DMD: variants seen among roughly 807,000 people sequenced by gnomAD.
DMD encodes dystrophin.
A neutral mutation model predicts 330.1 loss-of-function variants in DMD; 63 were observed. The ratio of observed to expected loss-of-function variants is 0.19; its 90% CI spans 0.16 to 0.24. The LOEUF (loss-of-function observed/expected upper bound fraction) is 0.24. DMD is among the 10% of genes least tolerant of loss of function. The pLI is 1.00. For synonymous variants in DMD, 1,223 were observed against 959.8 expected (o/e 1.27, Z -5.07); for missense variants, 3,344 against 2,684.1 (o/e 1.25, Z -5.43).
Position 32,338,070 on chromosome X carries a change from A to T in DMD, c.5922+4030T>A, listed in dbSNP as rs188513142. ...AATATTTTGCCTTAATTCTTGAATCATGTTTTACCTGGTATTTGAAAATGT... is the reference window on the plus strand; with the variant it reads ...AATATTTTGCCTTAATTCTTGAATCTTGTTTTACCTGGTATTTGAAAATGT... On this transcript the variant is annotated intron_variant, in intron 41 of 78. Coordinates refer to ENST00000357033, the MANE Select transcript of DMD (RefSeq NM_004006.3). Among the ~76,000 whole-genome samples the T allele has an allele frequency of 2.1e-3, 230 of 111,569 alleles. 1 individual carries two copies. The highest frequency in any genetic ancestry group is 0.01 in the South Asian group (27 of 2,700).
chrX:32,944,607 A>T (rs1384289922), intron 2 of DMD, among the ~76,000 whole-genome samples: 3 of 96,567 alleles, frequency 3.1e-5, no homozygotes, highest in African/African-American at 1.1e-4. Flanking sequence ...CTTTTAGTAG[A>T]TTTTTTTTTT....
At chrX:32,857,872 TAA>T (rs1467327852) in intron 2 of DMD, among the ~76,000 whole-genome samples, 25 of 111,436 alleles carry the variant, frequency 2.2e-4, no homozygotes, top group Non-Finnish European at 3.2e-4. Context: ...GGGCCAAACT[TAA>T]ATACATAGAC....
intron 1 of DMD, among the ~76,000 whole-genome samples, chrX:33,169,027 C>A (rs2049202290): frequency 9.3e-6 from 1 of 107,624 alleles, no homozygotes; most frequent in Non-Finnish European, 1.9e-5. Context: ...GATTCTCTTG[C>A]ATGCACAAAG....
At chrX:32,217,136 A>G in intron 43 of DMD, 73 bp from the exon 44 acceptor site, 1 of 1,063,868 alleles carries the variant, frequency 9.4e-7, no homozygotes. Context: ...TATAGCGTAT[A>G]TTTTTTGGTT....
intron 51 of DMD, among the ~76,000 whole-genome samples, chrX:31,737,072 G>T (rs908629620): frequency 4.5e-5 from 5 of 111,714 alleles, no homozygotes; most frequent in African/African-American, 1.3e-4. Flanking sequence ...TGTGAGGTGG[G>T]TACTAATATT....
At chrX:31,715,557 A>AG (rs2084984746) in intron 52 of DMD, among the ~76,000 whole-genome samples, 1 of 108,977 alleles carries the variant, frequency 9.2e-6, no homozygotes, top group East Asian at 2.9e-4. Context: ...AAAAAAAAAA[A>AG]AAAAAATTAA....
chrX:32,716,591 A>T (rs1421649061), intron 7 of DMD, among the ~76,000 whole-genome samples: 1 of 111,390 alleles, frequency 9.0e-6, no homozygotes. Flanking sequence ...ACTGCTACGA[A>T]GATACATGAG....
chrX:31,507,242 A>T, intron 56 of DMD, 39 bp downstream of exon 56: 5 of 1,151,805 alleles, frequency 4.3e-6, no homozygotes, highest in Non-Finnish European at 5.9e-6. Context: ...TGGCCATTTT[A>T]ATTCATTTGT....
intron 29 of DMD, among the ~76,000 whole-genome samples, chrX:32,412,861 T>C (rs1480369400): frequency 9.0e-6 from 1 of 111,203 alleles, no homozygotes; most frequent in Non-Finnish European, 1.9e-5. Flanking sequence ...ATATAGAATA[T>C]TAGATATTAC....
intron 12 of DMD, among the ~76,000 whole-genome samples, chrX:32,596,788 C>A (rs778899039): frequency 3.9e-4 from 43 of 110,689 alleles, no homozygotes; most frequent in Non-Finnish European, 7.2e-4. Context: ...CTCAGGTAAT[C>A]TACCCACCTC....
At chrX:31,276,483 T>C (rs767891485) in intron 62 of DMD, among the ~76,000 whole-genome samples, 7 of 112,113 alleles carry the variant, frequency 6.2e-5, no homozygotes, top group African/African-American at 1.6e-4. Context: ...ACAACTCTCA[T>C]GCTCTGTTAG....
At chrX:32,738,423 T>C (rs1032315167) in intron 7 of DMD, among the ~76,000 whole-genome samples, 7 of 111,796 alleles carry the variant, frequency 6.3e-5, no homozygotes, top group Admixed American at 1.9e-4. Context: ...AATTCCTTTC[T>C]CTCCTCAACA....
chrX:31,699,552 C>A (rs753726457), intron 52 of DMD, among the ~76,000 whole-genome samples: 12 of 112,251 alleles, frequency 1.1e-4, no homozygotes, highest in African/African-American at 3.6e-4. Context: ...TTAAGAGAGG[C>A]ATGTGTCACA....
chrX:33,177,485 A>G (rs2049732114), intron 1 of DMD, among the ~76,000 whole-genome samples: 1 of 111,397 alleles, frequency 9.0e-6, no homozygotes, highest in Admixed American at 9.5e-5. Flanking sequence ...CCCTGGTTCA[A>G]GTGGTTGTCC....
intron 2 of DMD, among the ~76,000 whole-genome samples, chrX:32,927,040 A>G (rs2089097357): frequency 8.9e-6 from 1 of 111,752 alleles, no homozygotes; most frequent in African/African-American, 3.2e-5. Context: ...TGCTTAGCAA[A>G]TCGTAGCTGT....
rs992725388 is a variant in DMD, at chrX:32,619,860, T to C, written c.1332-5407A>G. ...CTGGAAGAAAAAAGGAAGAGAGCTG[T>C]TGCCGGAGCTCAGTGAGAATTAGAG... On this transcript the variant is annotated intron_variant, in intron 11 of 78. Transcript: ENST00000357033. Among the ~76,000 whole-genome samples the C allele has an allele frequency of 2.7e-5, 3 of 111,792 alleles. No individual in the cohort carries two copies. In the South Asian group the frequency reaches 1.1e-3, roughly 41 times the overall value.
At chrX:32,664,342 C>T (rs755892730) in intron 9 of DMD, among the ~76,000 whole-genome samples, 5 of 106,558 alleles carry the variant, frequency 4.7e-5, no homozygotes, top group African/African-American at 1.0e-4. Context: ...CCCGGGTTCA[C>T]GCCATTCTCC....
At chrX:31,758,870 T>C (rs1444096321) in intron 51 of DMD, among the ~76,000 whole-genome samples, 1 of 112,251 alleles carries the variant, frequency 8.9e-6, no homozygotes, top group Non-Finnish European at 1.9e-5. Context: ...GAGGTTGGCA[T>C]AACCATCAAA....
At chrX:31,830,551 G>C (rs191712212) in intron 49 of DMD, among the ~76,000 whole-genome samples, 5 of 110,503 alleles carry the variant, frequency 4.5e-5, no homozygotes, top group African/African-American at 9.9e-5. Flanking sequence ...CCGAGATCGC[G>C]CCACCGCACT....
Sources: gnomAD v4.1 joint callset for allele counts (sites outside exome capture counted in the v4.1 genomes callset) on GRCh38, gnomAD v4.1.1 for gene constraint, MANE v1.5 for transcripts, NCBI Gene and HGNC (gene_info 2026-07-23, HGNC 2026-07-21) for gene names.